Variants in PRR16 observed in about 807,000 individuals in gnomAD.
PRR16 encodes the protein proline rich 16.
A neutral mutation model predicts 18.2 loss-of-function variants in PRR16; 6 were observed. The observed-to-expected ratio is 0.33, with a 90% confidence interval of 0.18 to 0.65. The LOEUF is 0.65. PRR16 is among the 30% of genes least tolerant of loss of function. The probability of loss-of-function intolerance (pLI) is 0.74; values close to 1 mark genes in which losing one functional copy is unlikely to be tolerated. For missense variants in PRR16, 412 were observed against 376.6 expected, an observed-to-expected ratio of 1.09 and a Z score of -0.78; for synonymous variants, 151 against 147.8, an observed-to-expected ratio of 1.02 and a Z score of -0.16.
the PRR16 span, among the ~76,000 whole-genome samples, chr5:120,754,462 G>GTATATAGTATATATTATATAATATATAT: frequency 1.9e-5 from 1 of 53,982 alleles, no homozygotes; most frequent in African/African-American, 7.8e-5. Context: ...ATAATATATA[G>GTATATAGTATATATTATATAATATATAT]TATATAGTAT....
the PRR16 span, among the ~76,000 whole-genome samples, chr5:120,739,354 G>A: frequency 6.6e-6 from 1 of 152,110 alleles, no homozygotes; most frequent in Non-Finnish European, 1.5e-5. Context: ...TAAATATTGA[G>A]TTGCTGTCAA....
At chr5:120,720,870 G>A in the PRR16 span, among the ~76,000 whole-genome samples, 210 of 151,994 alleles carry the variant, frequency 1.4e-3, 1 homozygote, top group African/African-American at 4.7e-3. Context: ...TAAAAAGATG[G>A]AATATTCAAA....
chr5:120,579,769 C>A (rs1169313786), intron 1 of PRR16, among the ~76,000 whole-genome samples: 1 of 152,020 alleles, frequency 6.6e-6, no homozygotes, highest in Non-Finnish European at 1.5e-5. Context: ...TTTTCTAATT[C>A]TGTGAAGAAT....
At chr5:120,696,039 G>A in the PRR16 span, among the ~76,000 whole-genome samples, 2 of 152,202 alleles carry the variant, frequency 1.3e-5, no homozygotes, top group South Asian at 2.1e-4. Context: ...TCAGGAGCTC[G>A]AGACCAGCCT....
chr5:120,465,946 C>G (rs954606998), intron 1 of PRR16, among the ~76,000 whole-genome samples: 7 of 152,160 alleles, frequency 4.6e-5, no homozygotes, highest in African/African-American at 1.7e-4. Flanking sequence ...CTCCCCTTCC[C>G]CCGTTACCTC....
the PRR16 span, among the ~76,000 whole-genome samples, chr5:120,716,598 G>C: frequency 5.9e-5 from 9 of 152,240 alleles, no homozygotes; most frequent in African/African-American, 1.4e-4. Flanking sequence ...CCTTGGGGCT[G>C]GGCATGGTGG....
chr5:120,611,444 A>G (rs1754330098), intron 1 of PRR16, among the ~76,000 whole-genome samples: 1 of 152,168 alleles, frequency 6.6e-6, no homozygotes, highest in South Asian at 2.1e-4. Flanking sequence ...CCCAGATGGA[A>G]AAAGTGGTTT....
chr5:120,652,258 A>C (rs1295342539), intron 1 of PRR16, among the ~76,000 whole-genome samples: 1 of 152,072 alleles, frequency 6.6e-6, no homozygotes, highest in Admixed American at 6.6e-5. Flanking sequence ...TTGATATTCT[A>C]CATGGACATC....
Position 120,677,139 on chromosome 5 carries a change from C to A in PRR16, c.160-8815C>A, listed in dbSNP as rs77625832. ...TAGCAGCAGAACACGAAGTTGTAGGCTGTATAATGAGGTGCTTATTTTCAT... is the reference window on the plus strand; with the variant it reads ...TAGCAGCAGAACACGAAGTTGTAGGATGTATAATGAGGTGCTTATTTTCAT... On this transcript the variant is annotated intron_variant, in intron 1 of 1. Coordinates refer to ENST00000407149, the MANE Select transcript of PRR16 (RefSeq NM_001300783.2). 4.6e-3 allele frequency among the ~76,000 whole-genome samples: 700 copies of A among 152,198 alleles called. 2 individuals are homozygous for A. Among genetic ancestry groups the A allele is most frequent in the Non-Finnish European group, 7.0e-3 (476 of 68,010 alleles).
At chr5:120,501,029 T>C (rs1380032511) in intron 1 of PRR16, among the ~76,000 whole-genome samples, 2 of 152,150 alleles carry the variant, frequency 1.3e-5, no homozygotes, top group East Asian at 3.9e-4. Flanking sequence ...AACAGAAATA[T>C]AAAATGATAG....
chr5:120,562,231 T>A (rs567936879), intron 1 of PRR16, among the ~76,000 whole-genome samples: 1 of 152,150 alleles, frequency 6.6e-6, no homozygotes, highest in Non-Finnish European at 1.5e-5. Flanking sequence ...CATTATATAA[T>A]GGCCTCCTTT....
At chr5:120,481,025 A>G in intron 1 of PRR16, 1 of 880,604 alleles carries the variant, frequency 1.1e-6, no homozygotes, top group Non-Finnish European at 1.5e-6. Flanking sequence ...ATTAGCATTG[A>G]CTTGAAGTAT....
At position 120,686,495 on chromosome 5, in the gene PRR16, A is replaced by C. The variant is rs1168888746; in HGVS notation, c.701A>C (p.His234Pro). The change falls in exon 2 of 2, where the codon CAC becomes CCC. Residue 234 changes from histidine (H) to proline (P), a missense_variant. His to Pro is a moderately conservative substitution (Grantham distance 77, BLOSUM62 -2). Transcript: ENST00000407149. ...ATAAAAAACAGGGAGGTCCACTTAC[A>C]CAGTGAACCTGTCCACCCACCGGGA... The part of the protein sequence containing the change: ...YNIKNREVHL[H>P]SEPVHPPGKI... 33 of 1,613,870 alleles carry C rather than the reference A, an allele frequency of 2.0e-5. No individual in the cohort carries two copies. Among genetic ancestry groups the C allele is most frequent in the Non-Finnish European group, 2.8e-5 (33 of 1,179,816 alleles).
the PRR16 span, among the ~76,000 whole-genome samples, chr5:120,739,191 A>T: frequency 6.6e-6 from 1 of 152,182 alleles, no homozygotes; most frequent in African/African-American, 2.4e-5. Flanking sequence ...GTGAGTGAGT[A>T]TGTAACAAGA....
intron 1 of PRR16, among the ~76,000 whole-genome samples, chr5:120,490,377 C>T (rs150508882): frequency 0.11 from 16,623 of 152,112 alleles, 1,070 homozygotes; most frequent in South Asian, 0.19. Flanking sequence ...CTCTAAAGTT[C>T]TCTTCTCGCT....
At chr5:120,716,188 C>A in the PRR16 span, among the ~76,000 whole-genome samples, 4 of 152,148 alleles carry the variant, frequency 2.6e-5, no homozygotes, top group Admixed American at 2.6e-4. Flanking sequence ...TGGGGTCTTT[C>A]TTTGTCAAAC....
In PRR16 at chr5:120,608,742, C is replaced by T. The variant is rs1051534886; in HGVS notation, c.160-77212C>T. On this transcript the variant is annotated intron_variant, in intron 1 of 1. Transcript: ENST00000407149. The stretch of plus-strand genomic sequence containing the variant: ...GCAATCATTAGATCTGGTTAACCCC[C>T]TAGACGGTGTTTCATCTCTCATTGC... Among the ~76,000 whole-genome samples, 7 of 152,232 alleles carry T rather than the reference C, an allele frequency of 4.6e-5. No homozygotes were observed. In the South Asian group the frequency reaches 6.2e-4, roughly 14 times the overall value.
At chr5:120,714,961 G>A in the PRR16 span, among the ~76,000 whole-genome samples, 1 of 152,080 alleles carries the variant, frequency 6.6e-6, no homozygotes. Flanking sequence ...ACACAGGGAG[G>A]AGAACAACAC....
the PRR16 span, among the ~76,000 whole-genome samples, chr5:120,754,401 T>TTACACTATATAGTATATATTATATAATA: frequency 1.5e-5 from 1 of 67,212 alleles, no homozygotes; most frequent in African/African-American, 6.7e-5. Flanking sequence ...ATGTTATATA[T>TTACACTATATAGTATATATTATATAATA]TATACTATAT....
Sources: allele counts gnomAD v4.1 joint callset (sites outside exome capture counted in the v4.1 genomes callset), GRCh38; gene constraint gnomAD v4.1.1; transcripts MANE v1.5; gene names NCBI Gene and HGNC (gene_info 2026-07-23, HGNC 2026-07-21).